The following NEU3 variants were observed in gnomAD, a reference collection of about 807,000 sequenced individuals.
The protein encoded by NEU3 is sialidase-3.
In NEU3, 10 loss-of-function variants were observed where a neutral mutation model predicts 11.4. The observed-to-expected ratio is 0.88, with a 90% CI of 0.54 to 1.49. The LOEUF is 1.49. Among genes scored for constraint, NEU3 ranks in the 40% most tolerant of loss-of-function variants. The pLI, the probability that NEU3 is intolerant of heterozygous loss-of-function variation, is 0.00. For missense variants in NEU3, 529 were observed against 581.8 expected (o/e 0.91, Z 0.93); for synonymous variants, 212 against 228.2 (o/e 0.93, Z 0.64).
chr11:74,987,685 C>T (rs1268674849), upstream of NEU3, among the ~76,000 whole-genome samples: 1 of 151,836 alleles, frequency 6.6e-6, no homozygotes, highest in African/African-American at 2.4e-5. Context: ...TGGTGGTGGG[C>T]GCCTGTAGTC....
intron 2 of NEU3, among the ~76,000 whole-genome samples, chr11:74,999,849 AG>A (rs778098402): frequency 2.6e-4 from 39 of 152,226 alleles, no homozygotes; most frequent in Middle Eastern, 3.2e-3. Context: ...TACTCTCTGA[AG>A]TACCTGAAAG....
intron 2 of NEU3, among the ~76,000 whole-genome samples, chr11:74,996,566 C>G (rs1166167113): frequency 1.3e-5 from 2 of 152,140 alleles, no homozygotes; most frequent in Non-Finnish European, 2.9e-5. Context: ...CCCTCAAAAT[C>G]ATGAGTATGG....
chr11:74,995,176 C>G, intron 2 of NEU3: 1 of 397,422 alleles, frequency 2.5e-6, no homozygotes, highest in African/African-American at 2.0e-5. Flanking sequence ...ATGAGAGATC[C>G]TAGTGCTCCA....
At chr11:74,993,622 T>C (rs1293407248) in intron 1 of NEU3, among the ~76,000 whole-genome samples, 1 of 152,194 alleles carries the variant, frequency 6.6e-6, no homozygotes, top group East Asian at 1.9e-4. Context: ...GACTAGTATC[T>C]TAATTCACTT....
chr11:74,988,864 G>A (rs964437872), upstream of NEU3: 11 of 578,076 alleles, frequency 1.9e-5, no homozygotes, highest in African/African-American at 2.2e-4. Context: ...GTAGGCCAAC[G>A]GTTGGCCCCA....
chr11:75,013,231 C>G (rs4944968), downstream of NEU3, among the ~76,000 whole-genome samples: 37,647 of 152,026 alleles, frequency 0.25, 5,692 homozygotes, highest in East Asian at 0.54. Context: ...ATGAGCACAA[C>G]CCTTGCCCAG....
chr11:75,004,207 T>G, intron 2 of NEU3: 1 of 581,958 alleles, frequency 1.7e-6, no homozygotes, highest in Non-Finnish European at 3.0e-6. Flanking sequence ...TTTCTTCACA[T>G]TTGCCAACAC....
chr11:74,983,008 G>C, the NEU3 span, among the ~76,000 whole-genome samples: 4 of 152,040 alleles, frequency 2.6e-5, no homozygotes, highest in Non-Finnish European at 4.4e-5. Flanking sequence ...GGGAGAAAAA[G>C]TACCTGAATT....
chr11:74,988,701 G>C (rs1381089662), upstream of NEU3: 1 of 328,690 alleles, frequency 3.0e-6, no homozygotes, highest in Non-Finnish European at 5.7e-6. Context: ...GCACTGAAGA[G>C]AGGAGGCGGC....
At chr11:75,013,246 C>T (rs570554984), downstream of NEU3, among the ~76,000 whole-genome samples, 3 of 152,198 alleles carry the variant, frequency 2.0e-5, no homozygotes, top group Non-Finnish European at 4.4e-5. Context: ...GCCCAGCCCC[C>T]TCACCAGAGA....
At chr11:75,003,583 A>C (rs552596845) in intron 2 of NEU3, among the ~76,000 whole-genome samples, 1 of 152,218 alleles carries the variant, frequency 6.6e-6, no homozygotes, top group South Asian at 2.1e-4. Flanking sequence ...TGCTTTCTTT[A>C]TTTAAGAATA....
upstream of NEU3, among the ~76,000 whole-genome samples, chr11:74,985,204 A>G (rs1167970030): frequency 1.3e-5 from 2 of 152,194 alleles, no homozygotes; most frequent in Admixed American, 6.5e-5. Context: ...CCCGGTTTTT[A>G]TAAAGGAAAT....
chr11:75,012,297 A>G (rs1200675329), downstream of NEU3, among the ~76,000 whole-genome samples: 1 of 152,226 alleles, frequency 6.6e-6, no homozygotes, highest in Non-Finnish European at 1.5e-5. Context: ...ACAAAGCTGC[A>G]TGGTTGAAAC....
chr11:74,982,081 G>A, the NEU3 span, among the ~76,000 whole-genome samples: 1 of 152,192 alleles, frequency 6.6e-6, no homozygotes, highest in Non-Finnish European at 1.5e-5. Flanking sequence ...GCTGATGAAT[G>A]ATTTCCCAAA....
At position 74,989,014 on chromosome 11, in the gene NEU3, T is replaced by C. The variant is rs1948699054; in HGVS notation, c.-47T>C. On this transcript the variant is annotated 5_prime_UTR_variant, in exon 1 of 3. Coordinates refer to ENST00000294064, the MANE Select transcript of NEU3 (RefSeq NM_006656.6). ...TTCTCCCTCTCTATCCTCCTCTGTC[T>C]CAGTCTCCCCAGCCTTGGGGCCGGT... is the stretch of plus-strand genomic sequence containing the variant. 1 of 1,406,190 alleles carries C rather than the reference T, an allele frequency of 7.1e-7. No individual in the cohort carries two copies. Among genetic ancestry groups the C allele is most frequent in the African/African-American group, 1.4e-5 (1 of 69,948 alleles). The allele number at this position is 1,406,190 out of a possible 1,614,324, so 87.1% of individuals were successfully genotyped here.
chr11:74,990,474 A>C (rs995368036), intron 1 of NEU3, among the ~76,000 whole-genome samples: 3 of 151,958 alleles, frequency 2.0e-5, no homozygotes, highest in African/African-American at 7.3e-5. Flanking sequence ...CTCCTGCCTC[A>C]GCCTCCCGAA....
intron 1 of NEU3, among the ~76,000 whole-genome samples, chr11:74,993,289 T>C (rs1410159832): frequency 6.6e-6 from 1 of 152,134 alleles, no homozygotes; most frequent in Non-Finnish European, 1.5e-5. Flanking sequence ...CTGCAAGCTC[T>C]GCCTCCTGGG....
intron 2 of NEU3, chr11:75,004,310 G>T (rs1948876313): frequency 1.5e-6 from 1 of 679,048 alleles, no homozygotes; most frequent in Admixed American, 2.2e-5. Flanking sequence ...TTTAGAGATG[G>T]GGTTTTGCCA....
At chr11:75,001,438 C>A (rs1948843732) in intron 2 of NEU3, among the ~76,000 whole-genome samples, 1 of 151,934 alleles carries the variant, frequency 6.6e-6, no homozygotes, top group Non-Finnish European at 1.5e-5. Flanking sequence ...TGCCACCATG[C>A]CTGGCTAATT....
Sources: gnomAD v4.1 joint callset for allele counts (sites outside exome capture counted in the v4.1 genomes callset) on GRCh38, gnomAD v4.1.1 for gene constraint, MANE v1.5 for transcripts, NCBI Gene and HGNC (gene_info 2026-07-23, HGNC 2026-07-21) for gene names.